The following POU2F2 variants were observed in gnomAD, a reference collection of about 807,000 sequenced individuals.
The protein encoded by POU2F2 is POU class 2 homeobox 2.
POU2F2 carries 14 observed loss-of-function variants against 63.5 expected under a neutral mutation model. That is an observed-to-expected ratio of 0.22 (90% CI 0.15 to 0.34). The LOEUF (loss-of-function observed/expected upper bound fraction) is 0.34, where lower values mean the gene tolerates loss of function less well. Among genes scored for constraint, POU2F2 ranks in the 10% least tolerant of loss-of-function variants. POU2F2 has a pLI of 1.00. For missense variants in POU2F2, 607 were observed against 815.2 expected, an observed-to-expected ratio of 0.74 and a Z score of 3.11; for synonymous variants, 306 against 348.6, an observed-to-expected ratio of 0.88 and a Z score of 1.36.
intron 5 of POU2F2, among the ~76,000 whole-genome samples, chr19:42,106,033 TTCTTTCTTTCTTTC>T (rs2029879113): frequency 6.7e-6 from 1 of 149,588 alleles, no homozygotes; most frequent in South Asian, 2.1e-4. Flanking sequence ...CTTTCTTTCT[TTCTTTCTTTCTTTC>T]TTTCTTCTTT....
chr19:42,102,547 A>G (rs1036903528), intron 5 of POU2F2, among the ~76,000 whole-genome samples: 1 of 152,004 alleles, frequency 6.6e-6, no homozygotes, highest in African/African-American at 2.4e-5. Context: ...GCTTGAGGCC[A>G]GGAGTTCAAG....
intron 2 of POU2F2, among the ~76,000 whole-genome samples, chr19:42,140,966 C>T (rs1216843187): frequency 6.6e-6 from 1 of 152,214 alleles, no homozygotes; most frequent in Non-Finnish European, 1.5e-5. Context: ...TGTTCAATAA[C>T]TTGGGCTCCC....
intron 4 of POU2F2, among the ~76,000 whole-genome samples, chr19:42,119,210 G>T (rs1048490685): frequency 1.3e-5 from 2 of 152,016 alleles, no homozygotes; most frequent in African/African-American, 4.8e-5. Context: ...GAGAAGTCAG[G>T]GTAGCAGCTA....
Position 42,089,575 on chromosome 19 carries a change from G to A in POU2F2, c.*1682C>T, listed in dbSNP as rs2076649596. ...GCTTTCCCAAAGACAACGTCCATGA[G>A]GTATTTGTGAAGAGAAAGAAGCATC... On this transcript the variant is annotated 3_prime_UTR_variant, in exon 15 of 15. Coordinates refer to ENST00000692977, the MANE Select transcript of POU2F2 (RefSeq NM_001394376.1). The A allele has an allele frequency of 6.6e-6, 1 of 152,204 alleles. No homozygotes were observed. Among genetic ancestry groups the A allele is most frequent in the African/African-American group, 2.4e-5 (1 of 41,340 alleles). 9.4% of individuals were successfully genotyped at this position (152,204 alleles called of 1,614,324 possible).
At chr19:42,177,757 T>C (rs1165834688), upstream of POU2F2, among the ~76,000 whole-genome samples, 1 of 149,560 alleles carries the variant, frequency 6.7e-6, no homozygotes, top group Non-Finnish European at 1.5e-5. Flanking sequence ...TTCAAAGGTA[T>C]GGAGAGACAC....
chr19:42,091,303 G>A lies in POU2F2; in HGVS notation c.1829C>T (p.Thr610Ile). 5 of 1,534,310 alleles carry A rather than the reference G, an allele frequency of 3.3e-6. No homozygotes were observed. Among genetic ancestry groups the A allele is most frequent in the South Asian group, 2.4e-5 (2 of 83,972 alleles). The change falls in exon 15 of 15, where the codon ACC becomes ATC. Residue 610 changes from threonine (T) to isoleucine (I), a missense_variant. Physicochemically the swap from Thr to Ile is moderately conservative, Grantham distance 89 (BLOSUM62 -1). Transcript: ENST00000692977. The part of the protein sequence containing the change: ...SSTCSETAAQ[T>I]PGGPGGPEAG... ...CTCGGGCCCCCCTGGACCTCCAGGG[G>A]TCTGTGCTGCCGTCTCGCTGCAAGT...
chr19:42,107,479 T>G (rs1181761925), intron 5 of POU2F2, among the ~76,000 whole-genome samples: 1 of 152,382 alleles, frequency 6.6e-6, no homozygotes, highest in East Asian at 1.9e-4. Context: ...ATAGATCTGA[T>G]GACTACTGTA....
chr19:42,112,263 T>A (rs370816890), intron 5 of POU2F2, among the ~76,000 whole-genome samples: 2 of 152,160 alleles, frequency 1.3e-5, no homozygotes, highest in South Asian at 2.1e-4. Flanking sequence ...CCCATCTCTT[T>A]CAGGGGTTAC....
intron 1 of POU2F2, among the ~76,000 whole-genome samples, chr19:42,181,103 C>T (rs1432717830): frequency 6.6e-6 from 1 of 152,166 alleles, no homozygotes; most frequent in Non-Finnish European, 1.5e-5. Flanking sequence ...AGCTGACATC[C>T]CTCATGGACT....
intron 1 of POU2F2, among the ~76,000 whole-genome samples, chr19:42,127,254 C>T (rs1049165251): frequency 2.6e-5 from 4 of 152,178 alleles, no homozygotes; most frequent in African/African-American, 9.6e-5. Context: ...CATGCCTGCA[C>T]TTTGCCATTT....
chr19:42,107,363 T>A (rs368381402), intron 5 of POU2F2, among the ~76,000 whole-genome samples: 1 of 151,994 alleles, frequency 6.6e-6, no homozygotes, highest in Admixed American at 6.6e-5. Context: ...TCAAAAAAAA[T>A]TAATTAATTA....
chr19:42,159,217 G>A (rs1044057586), intron 2 of POU2F2, among the ~76,000 whole-genome samples: 1 of 152,134 alleles, frequency 6.6e-6, no homozygotes, highest in African/African-American at 2.4e-5. Flanking sequence ...TGGGTTCCTG[G>A]CTTCTCTTGA....
chr19:42,146,468 C>A (rs2146763701), intron 2 of POU2F2, among the ~76,000 whole-genome samples: 1 of 152,346 alleles, frequency 6.6e-6, no homozygotes, highest in African/African-American at 2.4e-5. Flanking sequence ...CACCTGCCCA[C>A]CTTGATTCAC....
rs1453113927 is a variant in POU2F2 at position 42,153,682 on chromosome 19, T to C, written c.-9+6650A>G. On this transcript the variant is annotated intron_variant, in intron 2 of 6. Coordinates refer to the POU2F2 transcript ENST00000524801. This position sits in a 1 kb window ranked among gnomAD's most constrained non-coding sequence, Gnocchi z 5.6. ...CTGTGTGTCTATGTGATGCTGTGTG[T>C]CCCTGTGTGCCGATGGTCGAGTGTG... is the stretch of plus-strand genomic sequence containing the variant. 2.0e-5 allele frequency among the ~76,000 whole-genome samples: 3 copies of C among 152,168 alleles called. No individual in the cohort carries two copies. Among genetic ancestry groups the C allele is most frequent in the Non-Finnish European group, 2.9e-5 (2 of 68,024 alleles).
chr19:42,143,874 T>C (rs1024245711), intron 2 of POU2F2, among the ~76,000 whole-genome samples: 4 of 152,082 alleles, frequency 2.6e-5, no homozygotes, highest in African/African-American at 4.8e-5. Flanking sequence ...ACATCCTGTC[T>C]CACATGGCAC....
chr19:42,149,217 C>A (rs1044023083), intron 2 of POU2F2, among the ~76,000 whole-genome samples: 2 of 152,284 alleles, frequency 1.3e-5, no homozygotes, highest in South Asian at 4.1e-4. Flanking sequence ...CCACACAGCG[C>A]GTCTGTGGCA....
rs2076652928 is a variant in POU2F2 at position 42,089,683 on chromosome 19, T to C, written c.*1574A>G. 1 of 150,586 alleles carries C rather than the reference T, an allele frequency of 6.6e-6. No individual in the cohort carries two copies. Among genetic ancestry groups the C allele is most frequent in the Admixed American group, 6.6e-5 (1 of 15,092 alleles). The allele number at this position is 150,586 out of a possible 1,614,324, so 9.3% of individuals were successfully genotyped here. Reference sequence around the variant, plus strand: ...TCCGCCTCGCGGTTCCATCTTATTCTTGAAGAGTCCTCATCTTCTTTCCCT... The same window carrying C: ...TCCGCCTCGCGGTTCCATCTTATTCCTGAAGAGTCCTCATCTTCTTTCCCT... On this transcript the variant is annotated 3_prime_UTR_variant, in exon 15 of 15. Coordinates refer to ENST00000692977, the MANE Select transcript of POU2F2 (RefSeq NM_001394376.1).
upstream of POU2F2, among the ~76,000 whole-genome samples, chr19:42,177,628 A>T (rs1204271538): frequency 2.0e-5 from 3 of 152,126 alleles, no homozygotes; most frequent in Non-Finnish European, 4.4e-5. Context: ...TGAGACCGAC[A>T]GAGGCCCACA....
At chr19:42,111,063 C>A (rs898447775) in intron 5 of POU2F2, among the ~76,000 whole-genome samples, 1 of 152,210 alleles carries the variant, frequency 6.6e-6, no homozygotes, top group Admixed American at 6.5e-5. Context: ...GGAACCCAAT[C>A]TGGCTGAGTC....
Sources: gnomAD v4.1 joint callset for allele counts (sites outside exome capture counted in the v4.1 genomes callset) on GRCh38, gnomAD v4.1.1 for gene constraint, Gnocchi (gnomAD v3.1) non-coding constraint, MANE v1.5 for transcripts, NCBI Gene and HGNC (gene_info 2026-07-23, HGNC 2026-07-21) for gene names.